The following PCDHGB2 variants were observed in gnomAD, a reference collection of about 807,000 sequenced individuals.
PCDHGB2 encodes the protein protocadherin gamma subfamily B, 2, also known as protocadherin gamma-B2.
Under a neutral mutation model 59.3 loss-of-function variants are expected in PCDHGB2, and 55 were observed. The observed-to-expected ratio is 0.93, with a 90% confidence interval of 0.75 to 1.16. PCDHGB2 has a LOEUF of 1.16. PCDHGB2 is among the 50% of genes most tolerant of loss of function. The probability of loss-of-function intolerance (pLI) is 0.00; values close to 1 mark genes in which losing one functional copy is unlikely to be tolerated. For missense variants in PCDHGB2, 1,228 were observed against 1,198.5 expected (o/e 1.02, Z -0.36); for synonymous variants, 516 against 512.0 (o/e 1.01, Z -0.11).
At chr5:141,468,668 C>T (rs993230755) in intron 1 of PCDHGB2, 1 of 149,910 alleles carries the variant, frequency 6.7e-6, no homozygotes, top group Admixed American at 6.7e-5. Context: ...AGATCAAGAC[C>T]ATCCTGGCTA....
At chr5:141,372,707 G>A (rs1451654894) in intron 1 of PCDHGB2, 2 of 1,613,964 alleles carry the variant, frequency 1.2e-6, no homozygotes, top group Non-Finnish European at 1.7e-6. Flanking sequence ...TCAATATAAA[G>A]GCTGAAAATG....
In PCDHGB2 at chr5:141,423,972, T is replaced by C. The variant is rs1459859824; in HGVS notation, c.2421+61416T>C. ...TTTAGTATTATTTTTCTATTATCAG[T>C]GTATGAGGCTCTCAATTTATTATAT... On this transcript the variant is annotated intron_variant, in intron 1 of 3. Transcript: ENST00000522605. 4 of 1,128,544 alleles carry C rather than the reference T, an allele frequency of 3.5e-6. No homozygotes were observed. The East Asian group carries it at 1.9e-4, about 53-fold the overall frequency. The allele number at this position is 1,128,544 out of a possible 1,614,324, so 69.9% of individuals were successfully genotyped here.
At position 141,360,139 on chromosome 5, in the gene PCDHGB2, A is replaced by G; in HGVS notation, c.4A>G (p.Lys2Glu). Reference sequence around the variant, plus strand: ...AAGGAGCAAAGGGAGCCAGAAGATGAAAGCGAGCTCAGGGAGGTGCGGGCT... The same window carrying G: ...AAGGAGCAAAGGGAGCCAGAAGATGGAAGCGAGCTCAGGGAGGTGCGGGCT... M[K>E]ASSGRCGLVR... The change falls in exon 1 of 4, where the codon AAA becomes GAA. Residue 2 changes from lysine (K) to glutamate (E), a missense_variant. Around this residue, in one of 3 missense-constraint regions of PCDHGB2, gnomAD observed 781 missense variants for 721.6 expected, o/e 1.08. Coordinates refer to ENST00000522605, the MANE Select transcript of PCDHGB2 (RefSeq NM_018923.3). The G allele has an allele frequency of 6.3e-7, 1 of 1,594,488 alleles. No homozygotes were observed. The highest frequency in any genetic ancestry group is 1.1e-5 in the South Asian group (1 of 88,768).
At chr5:141,371,292 G>T (rs527250082) in intron 1 of PCDHGB2, 1 of 1,613,858 alleles carries the variant, frequency 6.2e-7, no homozygotes, top group South Asian at 1.1e-5. Flanking sequence ...TAAAACGGGG[G>T]AACTCACCAC....
At chr5:141,453,482 A>T (rs979979155) in intron 1 of PCDHGB2, among the ~76,000 whole-genome samples, 1 of 151,990 alleles carries the variant, frequency 6.6e-6, no homozygotes, top group Non-Finnish European at 1.5e-5. Context: ...CAAAACTATT[A>T]AAAAAAGGTG....
chr5:141,400,736 G>A, intron 1 of PCDHGB2: 1 of 630,462 alleles, frequency 1.6e-6, no homozygotes, highest in Non-Finnish European at 2.7e-6. Context: ...AGTAGTGAGA[G>A]TTTGCTCTTA....
At chr5:141,398,174 T>C (rs763077513) in intron 1 of PCDHGB2, 16 of 1,476,290 alleles carry the variant, frequency 1.1e-5, no homozygotes, top group African/African-American at 1.4e-5. Flanking sequence ...AGGCTGCCAG[T>C]GCTCTTTCTC....
intron 3 of PCDHGB2, among the ~76,000 whole-genome samples, chr5:141,506,417 A>C (rs1326078146): frequency 6.8e-6 from 1 of 147,658 alleles, no homozygotes; most frequent in Non-Finnish European, 1.5e-5. Context: ...ACTGCACTCC[A>C]GCCTGGGCAA....
intron 1 of PCDHGB2, chr5:141,429,276 T>C (rs748800169): frequency 6.6e-5 from 10 of 152,228 alleles, no homozygotes; most frequent in Non-Finnish European, 1.2e-4. Flanking sequence ...TTTTTTCCTG[T>C]GATGTTTCTT....
intron 1 of PCDHGB2, among the ~76,000 whole-genome samples, chr5:141,457,465 A>G (rs915755113): frequency 1.3e-5 from 2 of 152,194 alleles, no homozygotes; most frequent in African/African-American, 2.4e-5. Context: ...GATTCACAGG[A>G]ATAAGCAGGG....
At chr5:141,364,352 T>C in intron 1 of PCDHGB2, 1 of 1,551,202 alleles carries the variant, frequency 6.4e-7, no homozygotes, top group Non-Finnish European at 8.7e-7. Context: ...ACCTAGGGGC[T>C]GGGGCTGCGG....
intron 1 of PCDHGB2, among the ~76,000 whole-genome samples, chr5:141,475,511 A>T (rs1240718716): frequency 6.6e-6 from 1 of 152,240 alleles, no homozygotes; most frequent in African/African-American, 2.4e-5. Context: ...TAATGTCTCC[A>T]CGGAAATGCT....
chr5:141,407,548 G>A (rs2094952527), intron 1 of PCDHGB2, among the ~76,000 whole-genome samples: 1 of 151,388 alleles, frequency 6.6e-6, no homozygotes, highest in Non-Finnish European at 1.5e-5. Context: ...GTAACAGATT[G>A]TAGAACATAA....
chr5:141,360,173 G>T lies in PCDHGB2; in HGVS notation c.38G>T (p.Trp13Leu). ...ASSGRCGLVR[W>L]LQVLLPFLLS... The stretch of plus-strand genomic sequence containing the variant: ...TCAGGGAGGTGCGGGCTGGTGCGGT[G>T]GCTGCAGGTACTGTTGCCCTTCCTG... Residue 13 changes from tryptophan (W) to leucine (L), a missense_variant, in exon 1 of 4, where the codon TGG (tryptophan) becomes TTG (leucine). Trp to Leu is a moderately conservative substitution (Grantham distance 61). This residue lies in a region of PCDHGB2 where 781 missense variants were observed against 721.6 expected (regional missense o/e 1.08). Transcript: ENST00000522605. The T allele has an allele frequency of 6.2e-7, 1 of 1,609,062 alleles. No homozygotes were observed. Among genetic ancestry groups the T allele is most frequent in the East Asian group, 2.2e-5 (1 of 44,718 alleles).
intron 1 of PCDHGB2, among the ~76,000 whole-genome samples, chr5:141,382,367 C>T (rs778668401): frequency 8.6e-5 from 13 of 151,894 alleles, no homozygotes; most frequent in African/African-American, 3.1e-4. Flanking sequence ...TAAAATTTAC[C>T]TTTTTGCCTT....
At chr5:141,423,529 C>T in intron 1 of PCDHGB2, 1 of 1,613,754 alleles carries the variant, frequency 6.2e-7, no homozygotes, top group South Asian at 1.1e-5. Flanking sequence ...GCAGAAGAGT[C>T]ACCTGATTTT....
rs751918675 is a variant in PCDHGB2 at position 141,376,240 on chromosome 5, G to A, written c.2421+13684G>A. ...TGCTGGCGCTCAGACTGCAGCGCTG[G>A]CACAAGTCACGCCTGCTGCAGGCTT... On this transcript the variant is annotated intron_variant, in intron 1 of 3. Transcript: ENST00000522605. The A allele has an allele frequency of 1.9e-6, 3 of 1,614,202 alleles. No individual in the cohort carries two copies. In the South Asian group the frequency reaches 3.3e-5, roughly 18 times the overall value.
intron 1 of PCDHGB2, chr5:141,393,857 C>G (rs753457502): frequency 6.8e-6 from 11 of 1,613,978 alleles, no homozygotes; most frequent in Non-Finnish European, 9.3e-6. Flanking sequence ...CAGAAGTGAT[C>G]ATTACGTCTT....
rs115281328 is a variant in PCDHGB2, at chr5:141,377,595, C to T, written c.2421+15039C>T. 1,339 of 144,106 alleles carry T rather than the reference C, an allele frequency of 9.3e-3. 18 individuals are homozygous for T. Among genetic ancestry groups the T allele is most frequent in the African/African-American group, 0.033 (1,264 of 38,356 alleles). 8.9% of individuals were successfully genotyped at this position (144,106 alleles called of 1,614,324 possible). The stretch of plus-strand genomic sequence containing the variant: ...TGGGAGACAGAATGAGACTTTTTCT[C>T]TCTCTCTCTCAAAAAAAAAAAAAGA... On this transcript the variant is annotated intron_variant, in intron 1 of 3. Coordinates refer to ENST00000522605, the MANE Select transcript of PCDHGB2 (RefSeq NM_018923.3).
Sources: allele counts gnomAD v4.1 joint callset (sites outside exome capture counted in the v4.1 genomes callset), GRCh38; gene constraint gnomAD v4.1.1; regional missense constraint gnomAD v4.1.1; transcripts MANE v1.5; gene names NCBI Gene and HGNC (gene_info 2026-07-23, HGNC 2026-07-21).